The following RNF157 variants were observed in gnomAD, a reference collection of about 807,000 sequenced individuals.
The protein encoded by RNF157 is ring finger protein 157.
A neutral mutation model predicts 88.3 loss-of-function variants in RNF157; 55 were observed. The observed-to-expected ratio is 0.62, with a 90% CI of 0.50 to 0.78. The LOEUF (loss-of-function observed/expected upper bound fraction) is 0.78, where lower values mean the gene tolerates loss of function less well. Among genes scored for constraint, RNF157 ranks in the 30% least tolerant of loss-of-function variants. RNF157 has a pLI of 0.00. For missense variants in RNF157, 788 were observed against 860.8 expected (o/e 0.92, Z 1.06); for synonymous variants, 334 against 341.2 (o/e 0.98, Z 0.23).
Position 76,208,119 on chromosome 17 carries a change from C to T in RNF157, c.207+4245G>A, listed in dbSNP as rs151051506. 1.6e-3 allele frequency among the ~76,000 whole-genome samples: 237 copies of T among 151,754 alleles called. 3 individuals carry two copies. In the East Asian group the frequency reaches 0.038, roughly 24 times the overall value. On this transcript the variant is annotated intron_variant, in intron 2 of 18. Transcript: ENST00000269391. The stretch of plus-strand genomic sequence containing the variant: ...TTATATTTTGTAGAGATGAGGGTCT[C>T]GCTATGTTGCCCAGGCTGGTTTTCA...
intron 1 of RNF157, among the ~76,000 whole-genome samples, chr17:76,216,555 T>C (rs1028471224): frequency 5.3e-5 from 8 of 152,086 alleles, no homozygotes; most frequent in Non-Finnish European, 5.9e-5. Context: ...AAGACCAGCC[T>C]AGGCAACATG....
chr17:76,153,697 G>A (rs1422415197), intron 17 of RNF157: 1 of 152,922 alleles, frequency 6.5e-6, no homozygotes, highest in Admixed American at 6.5e-5. Flanking sequence ...CCTGAATTAT[G>A]GTAAAGGAAG....
intron 1 of RNF157, among the ~76,000 whole-genome samples, chr17:76,219,794 G>A (rs974220537): frequency 6.6e-6 from 1 of 152,018 alleles, no homozygotes; most frequent in East Asian, 1.9e-4. Context: ...AAAGAAAACT[G>A]CGAAAAATAT....
At chr17:76,201,559 A>ACCC (rs977976393) in intron 2 of RNF157, among the ~76,000 whole-genome samples, 3 of 151,758 alleles carry the variant, frequency 2.0e-5, no homozygotes, top group Admixed American at 2.0e-4. Flanking sequence ...AGAAGTGAAT[A>ACCC]CCCCCCTTCT....
chr17:76,161,522 G>A lies in RNF157; in HGVS notation c.1065+13C>T, dbSNP rs757331475. On this transcript the variant is annotated intron_variant, in intron 11 of 18. Transcript: ENST00000269391. This position sits in a 1 kb window ranked among gnomAD's most constrained non-coding sequence, Gnocchi z 4.6. ...TTTGCTTCAGAGGGGCCGTGGTTCC[G>A]AGCCCAACTTACTGGATGCTCTTCA... The A allele has an allele frequency of 2.3e-5, 36 of 1,599,822 alleles. No individual in the cohort carries two copies. The highest frequency in any genetic ancestry group is 2.0e-4 in the Admixed American group (12 of 59,976).
At chr17:76,207,358 G>A (rs1163943757) in intron 2 of RNF157, among the ~76,000 whole-genome samples, 1 of 152,124 alleles carries the variant, frequency 6.6e-6, no homozygotes, top group Non-Finnish European at 1.5e-5. Flanking sequence ...AAGAGTTTGA[G>A]GCTGCAGTGA....
In RNF157 at chr17:76,164,795, G is replaced by T; in HGVS notation, c.673C>A (p.His225Asn). 6.2e-7 allele frequency: 1 copy of T among 1,609,744 alleles called. No individual in the cohort carries two copies. Among genetic ancestry groups the T allele is most frequent in the Non-Finnish European group, 8.5e-7 (1 of 1,176,422 alleles). ...CHVLLGTFEK[H>N]TDGTFCVKPL... ...TTGACACAGAAAGTTCCATCTGTGT[G>T]CTGGAATGAAAATATGAAAGTTATG... is the stretch of plus-strand genomic sequence containing the variant. The change falls in exon 8 of 19, where the codon CAC (histidine) becomes AAC (asparagine). Residue 225 changes from histidine (H) to asparagine (N), a missense_variant and splice_region_variant. By Grantham distance (68) the His-to-Asn change is moderately conservative. Coordinates refer to ENST00000269391, the MANE Select transcript of RNF157 (RefSeq NM_052916.3).
intron 3 of RNF157, among the ~76,000 whole-genome samples, chr17:76,170,891 T>A (rs1051830221): frequency 3.9e-5 from 6 of 152,118 alleles, no homozygotes; most frequent in African/African-American, 9.7e-5. Context: ...TTTTAAAATT[T>A]TTTATTTATT....
At chr17:76,173,531 C>T (rs559774032) in intron 3 of RNF157, among the ~76,000 whole-genome samples, 171 bp downstream of exon 3, 122 of 152,172 alleles carry the variant, frequency 8.0e-4, no homozygotes, top group African/African-American at 2.5e-3. Context: ...TGGGTGTGGA[C>T]GGCCTGATCT....
At chr17:76,208,294 T>C (rs2145008334) in intron 2 of RNF157, among the ~76,000 whole-genome samples, 2 of 152,310 alleles carry the variant, frequency 1.3e-5, no homozygotes, top group South Asian at 4.1e-4. Flanking sequence ...ACAAACAGGA[T>C]GTGGGCAGAG....
intron 3 of RNF157, among the ~76,000 whole-genome samples, chr17:76,169,404 C>A (rs766236615): frequency 5.9e-5 from 9 of 151,996 alleles, no homozygotes; most frequent in Non-Finnish European, 8.8e-5. Context: ...CTTCTTCCTG[C>A]ATAGCTTTTG....
At chr17:76,225,029 G>A (rs1047432327) in intron 1 of RNF157, among the ~76,000 whole-genome samples, 1 of 151,924 alleles carries the variant, frequency 6.6e-6, no homozygotes, top group Non-Finnish European at 1.5e-5. Flanking sequence ...AAAATTAGCC[G>A]GGTATGGTGG....
At chr17:76,150,500 C>A (rs1027120148) in intron 18 of RNF157, among the ~76,000 whole-genome samples, 6 of 151,948 alleles carry the variant, frequency 3.9e-5, no homozygotes, top group African/African-American at 1.5e-4. Context: ...GCTCCCTCTG[C>A]CAAAAAAATA....
chr17:76,230,854 AAAAAAGAG>A (rs549115380), intron 1 of RNF157, among the ~76,000 whole-genome samples: 54 of 111,408 alleles, frequency 4.8e-4, no homozygotes, highest in African/African-American at 1.4e-3. Context: ...AAAAAAAAAA[AAAAAAGAG>A]AGAGAGAGAG....
chr17:76,172,607 CAAAAAAAA>C (rs35297368), intron 3 of RNF157, among the ~76,000 whole-genome samples: 2 of 31,704 alleles, frequency 6.3e-5, no homozygotes, highest in African/African-American at 2.5e-4. Flanking sequence ...AACTCCATCT[CAAAAAAAA>C]AAAAAAAAAA....
At chr17:76,162,121 T>C in intron 9 of RNF157, 119 bp from the exon 10 acceptor site, 4 of 1,011,146 alleles carry the variant, frequency 4.0e-6, no homozygotes, top group South Asian at 3.2e-5. Flanking sequence ...AAAATCTGCA[T>C]TGACATTGGA....
intron 1 of RNF157, among the ~76,000 whole-genome samples, chr17:76,215,193 T>C (rs1404575953): frequency 1.3e-5 from 2 of 152,110 alleles, no homozygotes; most frequent in Non-Finnish European, 2.9e-5. Flanking sequence ...CCTGTAATCC[T>C]AAAACTCTGG....
chr17:76,145,021 G>A lies in RNF157; in HGVS notation c.*214C>T, dbSNP rs2068563749. On this transcript the variant is annotated 3_prime_UTR_variant, in exon 19 of 19. Coordinates refer to ENST00000269391, the MANE Select transcript of RNF157 (RefSeq NM_052916.3). ...CCAGAGTCCCTGCAAAAGGTCTCGTGAGCTGCAGTTCATTGAGTGGCTTTA... is the reference window on the plus strand; with the variant it reads ...CCAGAGTCCCTGCAAAAGGTCTCGTAAGCTGCAGTTCATTGAGTGGCTTTA... 3 of 520,000 alleles carry A rather than the reference G, an allele frequency of 5.8e-6. No homozygotes were observed. Among genetic ancestry groups the A allele is most frequent in the Non-Finnish European group, 1.0e-5 (3 of 293,592 alleles). The allele number at this position is 520,000 out of a possible 1,614,324, so 32.2% of individuals were successfully genotyped here.
At position 76,226,401 on chromosome 17, in the gene RNF157, G is replaced by T. The variant is rs182920753; in HGVS notation, c.88+13752C>A. On this transcript the variant is annotated intron_variant, in intron 1 of 18. Coordinates refer to ENST00000269391, the MANE Select transcript of RNF157 (RefSeq NM_052916.3). ...AGATGGCCAATTGGGTTCACCATCT[G>T]GGGGGGCACCTTATTAGTCTCCTGG... 1,218 of 1,593,788 alleles carry T rather than the reference G, an allele frequency of 7.6e-4. 2 individuals are homozygous for T. In the Middle Eastern group the frequency reaches 0.011, roughly 15 times the overall value.
Sources: gnomAD v4.1 joint callset for allele counts (sites outside exome capture counted in the v4.1 genomes callset) on GRCh38, gnomAD v4.1.1 for gene constraint, Gnocchi (gnomAD v3.1) non-coding constraint, MANE v1.5 for transcripts, NCBI Gene and HGNC (gene_info 2026-07-23, HGNC 2026-07-21) for gene names.